Variants in SAMTOR observed in about 807,000 individuals in gnomAD.
SAMTOR encodes the protein S-adenosylmethionine sensor upstream of mTORC1.
At chr7:112,874,695 G>A in the SAMTOR span, among the ~76,000 whole-genome samples, 3 of 152,032 alleles carry the variant, frequency 2.0e-5, no homozygotes, top group Admixed American at 6.6e-5. Flanking sequence ...TTAGCCATCT[G>A]TAACTTTACA....
chr7:112,820,725 A>G, the SAMTOR span: 2 of 152,042 alleles, frequency 1.3e-5, no homozygotes, highest in African/African-American at 4.8e-5. Flanking sequence ...GTTTAGATAG[A>G]AATTAAGATA....
At chr7:112,884,023 C>T in the SAMTOR span, among the ~76,000 whole-genome samples, 8 of 152,128 alleles carry the variant, frequency 5.3e-5, no homozygotes, top group Admixed American at 2.0e-4. Context: ...GAAGCAAACA[C>T]GTCCTTCCTC....
chr7:112,866,097 A>G, the SAMTOR span, among the ~76,000 whole-genome samples: 81 of 152,270 alleles, frequency 5.3e-4, 3 homozygotes, highest in East Asian at 0.012. Context: ...ATACAGTGAT[A>G]AAGAAGACAA....
chr7:112,923,035 A>T, the SAMTOR span, among the ~76,000 whole-genome samples: 1 of 152,242 alleles, frequency 6.6e-6, no homozygotes, highest in East Asian at 1.9e-4. Context: ...TGGAATAGAA[A>T]AGGGGGAAAG....
chr7:112,838,508 T>G, the SAMTOR span, among the ~76,000 whole-genome samples: 1,359 of 151,970 alleles, frequency 8.9e-3, 27 homozygotes, highest in African/African-American at 0.031. Flanking sequence ...TAATAAAACC[T>G]CAGAAGATCT....
At chr7:112,872,310 G>T in the SAMTOR span, among the ~76,000 whole-genome samples, 1 of 152,156 alleles carries the variant, frequency 6.6e-6, no homozygotes, top group African/African-American at 2.4e-5. Flanking sequence ...TAGGTTGCAA[G>T]ATTGATTCAA....
At chr7:112,927,267 T>G in the SAMTOR span, among the ~76,000 whole-genome samples, 1 of 151,558 alleles carries the variant, frequency 6.6e-6, no homozygotes, top group South Asian at 2.1e-4. Context: ...TTTTAAGGAT[T>G]TTTTTATCAC....
chr7:112,866,668 G>T, the SAMTOR span, among the ~76,000 whole-genome samples: 1 of 152,194 alleles, frequency 6.6e-6, no homozygotes, highest in Non-Finnish European at 1.5e-5. Flanking sequence ...TTCAGTTTCT[G>T]TTGTACCTCT....
the SAMTOR span, among the ~76,000 whole-genome samples, chr7:112,872,459 G>T: frequency 6.6e-6 from 1 of 151,856 alleles, no homozygotes; most frequent in Non-Finnish European, 1.5e-5. Flanking sequence ...GGCATCTAAA[G>T]AATATACTTC....
At chr7:112,848,582 C>A in the SAMTOR span, among the ~76,000 whole-genome samples, 1 of 152,088 alleles carries the variant, frequency 6.6e-6, no homozygotes, top group South Asian at 2.1e-4. Flanking sequence ...GCAGAATAAG[C>A]AAGGTTTTCC....
At chr7:112,891,714 G>A in the SAMTOR span, among the ~76,000 whole-genome samples, 1 of 152,186 alleles carries the variant, frequency 6.6e-6, no homozygotes. Flanking sequence ...TATGAAGTGT[G>A]CAATAGCATT....
chr7:112,832,688 AT>A, the SAMTOR span: 1 of 1,429,496 alleles, frequency 7.0e-7, no homozygotes, highest in Non-Finnish European at 9.8e-7. Flanking sequence ...AAAAACAGAT[AT>A]TTTATAAGAA....
At chr7:112,932,743 T>G in the SAMTOR span, among the ~76,000 whole-genome samples, 7 of 152,272 alleles carry the variant, frequency 4.6e-5, no homozygotes, top group Admixed American at 4.6e-4. Flanking sequence ...TTATGTAGGA[T>G]TCTGTGCTAG....
the SAMTOR span, among the ~76,000 whole-genome samples, chr7:112,893,376 G>A: frequency 2.6e-5 from 4 of 152,192 alleles, no homozygotes; most frequent in Non-Finnish European, 5.9e-5. Flanking sequence ...GCTTCACCTT[G>A]CACTTTATGT....
chr7:112,863,345 C>T, the SAMTOR span, among the ~76,000 whole-genome samples: 11 of 152,104 alleles, frequency 7.2e-5, no homozygotes, highest in Admixed American at 1.3e-4. Context: ...AAGACAACCT[C>T]GGCAATACCA....
chr7:112,850,858 T>C, the SAMTOR span, among the ~76,000 whole-genome samples: 8 of 152,210 alleles, frequency 5.3e-5, no homozygotes, highest in African/African-American at 1.9e-4. Context: ...AAAGAAACTT[T>C]TGTTTAATAA....
At chr7:112,902,955 C>G in the SAMTOR span, among the ~76,000 whole-genome samples, 2 of 152,208 alleles carry the variant, frequency 1.3e-5, no homozygotes, top group African/African-American at 2.4e-5. Flanking sequence ...TAACTTATAT[C>G]TAATCACAAA....
At chr7:112,822,441 T>G in the SAMTOR span, 1 of 1,279,114 alleles carries the variant, frequency 7.8e-7, no homozygotes, top group Admixed American at 2.3e-5. Flanking sequence ...CATAGACTTT[T>G]CAGCAAACCA....
At chr7:112,867,582 T>C in the SAMTOR span, among the ~76,000 whole-genome samples, 1 of 152,220 alleles carries the variant, frequency 6.6e-6, no homozygotes, top group Admixed American at 6.5e-5. Context: ...ACAGTCTAAG[T>C]AAAATTATTT....
Sources: gnomAD v4.1 joint callset for allele counts (sites outside exome capture counted in the v4.1 genomes callset) on GRCh38, gnomAD v4.1.1 for gene constraint, MANE v1.5 for transcripts, NCBI Gene and HGNC (gene_info 2026-07-23, HGNC 2026-07-21) for gene names.